The following KHDRBS3 variants were observed in gnomAD, a reference collection of about 807,000 sequenced individuals.
KHDRBS3 encodes the protein KH RNA binding domain containing, signal transduction associated 3.
KHDRBS3 carries 23 observed loss-of-function variants against 45.6 expected under a neutral mutation model. The observed-to-expected ratio is 0.50, with a 90% CI of 0.36 to 0.72. The LOEUF is 0.72. Ranked by LOEUF, KHDRBS3 falls within the 30% of genes least tolerant of loss-of-function variation. The pLI, the probability that KHDRBS3 is intolerant of heterozygous loss-of-function variation, is 0.00. For synonymous variants in KHDRBS3, 162 were observed against 156.5 expected, an observed-to-expected ratio of 1.04 and a Z score of -0.26; for missense variants, 352 against 424.8, an observed-to-expected ratio of 0.83 and a Z score of 1.51.
At chr8:135,644,515 G>A (rs1021547046) in intron 7 of KHDRBS3, among the ~76,000 whole-genome samples, 3 of 152,188 alleles carry the variant, frequency 2.0e-5, no homozygotes, top group Admixed American at 6.5e-5. Context: ...TGTTTTTAAT[G>A]TACTATAAAG....
chr8:135,638,370 G>A (rs1830907843), intron 7 of KHDRBS3, among the ~76,000 whole-genome samples: 1 of 152,156 alleles, frequency 6.6e-6, no homozygotes, highest in Non-Finnish European at 1.5e-5. Context: ...CCACCTAATA[G>A]TATATTGTGT....
downstream of KHDRBS3, among the ~76,000 whole-genome samples, chr8:135,652,579 C>T (rs568562568): frequency 2.2e-4 from 33 of 152,306 alleles, no homozygotes; most frequent in African/African-American, 6.3e-4. Flanking sequence ...GTAACAGTTC[C>T]GTACCCCACT....
At chr8:135,483,848 C>A (rs1822710760) in intron 1 of KHDRBS3, among the ~76,000 whole-genome samples, 1 of 152,100 alleles carries the variant, frequency 6.6e-6, no homozygotes, top group South Asian at 2.1e-4. Flanking sequence ...TGTTTCTGGG[C>A]CTGGACAGGA....
chr8:135,634,904 G>A lies in KHDRBS3; in HGVS notation c.891-10155G>A, dbSNP rs530890590. On this transcript the variant is annotated intron_variant, in intron 7 of 8. Coordinates refer to ENST00000355849, the MANE Select transcript of KHDRBS3 (RefSeq NM_006558.3). ...AGGCAAGCGTAATGCTCACTCTGCC[G>A]GCCTCCTGAAATTTGCTGAAGCCAT... is the stretch of plus-strand genomic sequence containing the variant. Among the ~76,000 whole-genome samples the A allele has an allele frequency of 1.5e-4, 23 of 152,226 alleles. No homozygotes were observed. In the East Asian group the frequency reaches 3.5e-3, roughly 23 times the overall value.
At chr8:135,594,823 G>A (rs1425906745) in intron 6 of KHDRBS3, among the ~76,000 whole-genome samples, 2 of 152,220 alleles carry the variant, frequency 1.3e-5, no homozygotes, top group Non-Finnish European at 2.9e-5. Flanking sequence ...TTGGAAAAAT[G>A]TCTGACACAT....
At chr8:135,535,274 TAAAC>T (rs1316631802) in intron 2 of KHDRBS3, among the ~76,000 whole-genome samples, 1 of 136,392 alleles carries the variant, frequency 7.3e-6, no homozygotes, top group South Asian at 2.4e-4. Flanking sequence ...TATATATAGT[TAAAC>T]TATATATAAA....
intron 7 of KHDRBS3, among the ~76,000 whole-genome samples, chr8:135,644,003 A>G (rs151321675): frequency 7.2e-5 from 11 of 152,292 alleles, no homozygotes; most frequent in African/African-American, 2.4e-4. Flanking sequence ...ATGAAATTGG[A>G]AGAATGGGGA....
At chr8:135,553,809 A>C (rs2130817254) in intron 4 of KHDRBS3, among the ~76,000 whole-genome samples, 1 of 152,310 alleles carries the variant, frequency 6.6e-6, no homozygotes. Context: ...CAAAATTTTA[A>C]TGGCTTTTCT....
At chr8:135,462,737 TG>T (rs1257818904) in intron 1 of KHDRBS3, among the ~76,000 whole-genome samples, 2 of 152,132 alleles carry the variant, frequency 1.3e-5, no homozygotes, top group Non-Finnish European at 2.9e-5. Flanking sequence ...GACTTGCCCA[TG>T]GTGACATGCT....
intron 1 of KHDRBS3, among the ~76,000 whole-genome samples, chr8:135,464,485 A>G (rs1394095557): frequency 6.6e-6 from 1 of 152,246 alleles, no homozygotes; most frequent in Non-Finnish European, 1.5e-5. Flanking sequence ...GCTTATCACA[A>G]AAACAGTCGA....
chr8:135,533,078 A>G (rs1825559533), intron 2 of KHDRBS3, among the ~76,000 whole-genome samples: 1 of 152,170 alleles, frequency 6.6e-6, no homozygotes, highest in South Asian at 2.1e-4. Flanking sequence ...TGATGGCGTG[A>G]AAGCAAAACA....
At chr8:135,489,749 A>T (rs1278865189) in intron 1 of KHDRBS3, among the ~76,000 whole-genome samples, 1 of 152,220 alleles carries the variant, frequency 6.6e-6, no homozygotes, top group Non-Finnish European at 1.5e-5. Context: ...AAAGTAAAAA[A>T]GTTATAGTAA....
chr8:135,577,620 A>T (rs1389256546), intron 5 of KHDRBS3, among the ~76,000 whole-genome samples: 1 of 152,034 alleles, frequency 6.6e-6, no homozygotes, highest in Non-Finnish European at 1.5e-5. Flanking sequence ...ATCATTTTCT[A>T]CTGTATGCAT....
At chr8:135,581,615 A>G (rs966783018) in intron 5 of KHDRBS3, among the ~76,000 whole-genome samples, 5 of 152,130 alleles carry the variant, frequency 3.3e-5, no homozygotes, top group Non-Finnish European at 7.4e-5. Flanking sequence ...GGCTTCTCCA[A>G]ATATCACAGT....
intron 1 of KHDRBS3, among the ~76,000 whole-genome samples, chr8:135,495,464 A>G (rs1321951299): frequency 1.3e-5 from 2 of 152,240 alleles, no homozygotes; most frequent in African/African-American, 4.8e-5. Context: ...GAATAGCTGA[A>G]TTAGAGGTAG....
chr8:135,458,297 A>C, intron 1 of KHDRBS3: 1 of 681,798 alleles, frequency 1.5e-6, no homozygotes, highest in Non-Finnish European at 1.9e-6. Flanking sequence ...TATGTCATGG[A>C]AGGGGAGCGT....
chr8:135,467,705 G>A (rs1418483468), intron 1 of KHDRBS3, among the ~76,000 whole-genome samples: 3 of 152,192 alleles, frequency 2.0e-5, no homozygotes, highest in African/African-American at 7.2e-5. Flanking sequence ...CTCGTACCCG[G>A]GCACACCACG....
At chr8:135,461,628 T>C (rs1398321981) in intron 1 of KHDRBS3, among the ~76,000 whole-genome samples, 3 of 152,222 alleles carry the variant, frequency 2.0e-5, no homozygotes, top group Non-Finnish European at 4.4e-5. Context: ...AAAAAACATC[T>C]TTAGAAATGT....
chr8:135,550,713 C>G (rs921172445), intron 4 of KHDRBS3, among the ~76,000 whole-genome samples: 1 of 151,788 alleles, frequency 6.6e-6, no homozygotes, highest in Admixed American at 6.6e-5. Flanking sequence ...GGCTTCTTAG[C>G]ATTTTCATAT....
Sources: allele counts gnomAD v4.1 joint callset (sites outside exome capture counted in the v4.1 genomes callset), GRCh38; gene constraint gnomAD v4.1.1; transcripts MANE v1.5; gene names NCBI Gene and HGNC (gene_info 2026-07-23, HGNC 2026-07-21).